Variants in BNC2 observed in about 807,000 individuals in gnomAD.
BNC2 encodes the protein basonuclin zinc finger protein 2.
Under a neutral mutation model 76.3 loss-of-function variants are expected in BNC2, and 20 were observed. The observed-to-expected ratio is 0.26, with a 90% CI of 0.18 to 0.38. The LOEUF is 0.38. BNC2 is among the 10% of genes least tolerant of loss of function. The pLI, the probability that BNC2 is intolerant of heterozygous loss-of-function variation, is 1.00. For synonymous variants in BNC2, 582 were observed against 514.8 expected, an observed-to-expected ratio of 1.13 and a Z score of -1.77; for missense variants, 1,382 against 1,399.8, an observed-to-expected ratio of 0.99 and a Z score of 0.20.
intron 3 of BNC2, among the ~76,000 whole-genome samples, chr9:16,647,055 G>A (rs189856053): frequency 4.6e-5 from 7 of 152,280 alleles, no homozygotes; most frequent in Admixed American, 2.0e-4. Context: ...ACAAAGAGGA[G>A]AATGATGGTT....
rs144212077 is a variant in BNC2 at position 16,465,831 on chromosome 9, G to C, written c.670-28307C>G. Among the ~76,000 whole-genome samples, 11 of 152,084 alleles carry C rather than the reference G, an allele frequency of 7.2e-5. No individual in the cohort carries two copies. In the East Asian group the frequency reaches 2.1e-3, roughly 29 times the overall value. On this transcript the variant is annotated intron_variant, in intron 5 of 6. Transcript: ENST00000380672. ...ATGCCTTCTTCTGGTTCTGGCCAGG[G>C]CATTCAGGCAGGAGAAGGAAATAAA...
At chr9:16,624,245 T>TCATA (rs1820934306) in intron 3 of BNC2, among the ~76,000 whole-genome samples, 1 of 152,148 alleles carries the variant, frequency 6.6e-6, no homozygotes, top group Non-Finnish European at 1.5e-5. Context: ...GCATGTGGAC[T>TCATA]CATACCACAG....
chr9:16,426,319 G>A (rs1820803224), intron 6 of BNC2, among the ~76,000 whole-genome samples: 1 of 140,480 alleles, frequency 7.1e-6, no homozygotes, highest in Non-Finnish European at 1.5e-5. Flanking sequence ...GTGCCACCAT[G>A]CCCAGCTTTT....
At chr9:16,669,525 A>G (rs1822411036) in intron 3 of BNC2, among the ~76,000 whole-genome samples, 4 of 152,206 alleles carry the variant, frequency 2.6e-5, no homozygotes, top group Admixed American at 2.6e-4. Context: ...GCAACTTCCA[A>G]TTGGTTGAGG....
At chr9:16,767,109 G>C (rs973994465) in intron 1 of BNC2, among the ~76,000 whole-genome samples, 2 of 152,222 alleles carry the variant, frequency 1.3e-5, no homozygotes, top group Non-Finnish European at 1.5e-5. Context: ...GGAGAATCTA[G>C]GAAGATCGTA....
At position 16,680,004 on chromosome 9, in the gene BNC2, G is replaced by A. The variant is rs186050170; in HGVS notation, c.330+47793C>T. On this transcript the variant is annotated intron_variant, in intron 3 of 6. Transcript: ENST00000380672. ...AGTAATTTTGTTTCGCATAGGGGGAGTGTTATTTAAACTTAACCCCTCCAT... is the reference window on the plus strand; with the variant it reads ...AGTAATTTTGTTTCGCATAGGGGGAATGTTATTTAAACTTAACCCCTCCAT... 1.7e-4 allele frequency among the ~76,000 whole-genome samples: 26 copies of A among 152,316 alleles called. No homozygotes were observed. In the East Asian group the frequency reaches 2.3e-3, roughly 14 times the overall value.
chr9:16,838,219 A>T (rs1030995038), intron 1 of BNC2, among the ~76,000 whole-genome samples: 1 of 152,218 alleles, frequency 6.6e-6, no homozygotes, highest in Non-Finnish European at 1.5e-5. Context: ...TTCCATGTAC[A>T]AATACATACT....
chr9:16,703,879 G>T (rs1417085068), intron 3 of BNC2, among the ~76,000 whole-genome samples: 1 of 151,820 alleles, frequency 6.6e-6, no homozygotes, highest in Admixed American at 6.6e-5. Flanking sequence ...TAACTATTTG[G>T]CAGTTATTAA....
chr9:16,867,841 G>A (rs540354722), intron 1 of BNC2: 1 of 152,272 alleles, frequency 6.6e-6, no homozygotes, highest in South Asian at 2.1e-4. Context: ...CAATTTGCTG[G>A]GAAAGATCAA....
At chr9:16,421,974 C>A (rs538113150) in intron 6 of BNC2, among the ~76,000 whole-genome samples, 1 of 152,256 alleles carries the variant, frequency 6.6e-6, no homozygotes, top group African/African-American at 2.4e-5. Flanking sequence ...TTACCACTTC[C>A]TAGGTTCACT....
chr9:16,594,743 C>G (rs1438302875), intron 3 of BNC2, among the ~76,000 whole-genome samples: 3 of 151,968 alleles, frequency 2.0e-5, no homozygotes, highest in Admixed American at 6.6e-5. Context: ...TTTTTTCAAA[C>G]AGCAGAAAAT....
chr9:16,854,103 G>A (rs2136171879), intron 1 of BNC2, among the ~76,000 whole-genome samples: 1 of 152,264 alleles, frequency 6.6e-6, no homozygotes, highest in Non-Finnish European at 1.5e-5. Context: ...ACATCAAGTG[G>A]ATGTTTGTTC....
chr9:16,762,761 A>G (rs1321412590), intron 1 of BNC2, among the ~76,000 whole-genome samples: 1 of 152,232 alleles, frequency 6.6e-6, no homozygotes, highest in Non-Finnish European at 1.5e-5. Flanking sequence ...CACAGAACAT[A>G]TTCTGAGATG....
intron 4 of BNC2, among the ~76,000 whole-genome samples, chr9:16,577,202 C>G (rs1819509947): frequency 6.6e-6 from 1 of 151,982 alleles, no homozygotes; most frequent in Non-Finnish European, 1.5e-5. Context: ...TATTTAAAAT[C>G]ATTTATTGTT....
intron 1 of BNC2, among the ~76,000 whole-genome samples, chr9:16,765,104 G>A (rs1437169255): frequency 2.0e-5 from 3 of 152,092 alleles, no homozygotes; most frequent in Non-Finnish European, 4.4e-5. Flanking sequence ...AAGGACGGAC[G>A]TTTGTACTAT....
chr9:16,582,888 AACAGACACACAC>A, intron 4 of BNC2, 83 bp downstream of exon 4: 2 of 699,640 alleles, frequency 2.9e-6, no homozygotes, highest in Non-Finnish European at 4.5e-6. Flanking sequence ...GACTCCTCTA[AACAGACACACAC>A]ACACACACAC....
chr9:16,674,787 A>G (rs79443945), intron 3 of BNC2, among the ~76,000 whole-genome samples: 296 of 152,284 alleles, frequency 1.9e-3, no homozygotes, highest in African/African-American at 6.8e-3. Context: ...TTTCAAGGGG[A>G]CTTGGTCTGC....
chr9:16,851,339 C>T (rs1302929978), intron 1 of BNC2, among the ~76,000 whole-genome samples: 1 of 148,286 alleles, frequency 6.7e-6, no homozygotes, highest in African/African-American at 2.6e-5. Flanking sequence ...GAGACCTTGT[C>T]TCTACAAAAA....
intron 1 of BNC2, among the ~76,000 whole-genome samples, chr9:16,841,030 T>C (rs1465490179): frequency 6.6e-6 from 1 of 152,218 alleles, no homozygotes; most frequent in East Asian, 1.9e-4. Context: ...GATTCCACAT[T>C]TGAACACTGT....
Sources: gnomAD v4.1 joint callset for allele counts (sites outside exome capture counted in the v4.1 genomes callset) on GRCh38, gnomAD v4.1.1 for gene constraint, MANE v1.5 for transcripts, NCBI Gene and HGNC (gene_info 2026-07-23, HGNC 2026-07-21) for gene names.